ETV5: variants seen among roughly 807,000 people sequenced by gnomAD.
The protein encoded by ETV5 is ETS translocation variant 5.
In ETV5, 10 loss-of-function variants were observed where a neutral mutation model predicts 70.0. The ratio of observed to expected loss-of-function variants is 0.14; its 90% CI spans 0.09 to 0.24. The LOEUF (loss-of-function observed/expected upper bound fraction) is 0.24. ETV5 is among the 10% of genes least tolerant of loss of function. ETV5 has a pLI of 1.00. For missense variants in ETV5, 453 were observed against 651.2 expected (o/e 0.70, Z 3.31); for synonymous variants, 216 against 242.2 (o/e 0.89, Z 1.01).
At chr3:186,079,563 A>G (rs1713879933) in intron 7 of ETV5, among the ~76,000 whole-genome samples, 1 of 152,190 alleles carries the variant, frequency 6.6e-6, no homozygotes, top group African/African-American at 2.4e-5. Context: ...GTGAGACGGG[A>G]GAATACCAGT....
At position 186,057,584 on chromosome 3, in the gene ETV5, A is replaced by G; in HGVS notation, c.971-93T>C. ...TTAAGGACTAGAGTGCAATCCTATC[A>G]TTTCAGATCCTAAGTCCTACTGCTG... On this transcript the variant is annotated intron_variant, in intron 9 of 12. Transcript: ENST00000306376. The surrounding 1 kb of genome is among the most constrained non-coding windows in gnomAD (Gnocchi z 4.9). 2 of 1,079,196 alleles carry G rather than the reference A, an allele frequency of 1.9e-6. No homozygotes were observed. The highest frequency in any genetic ancestry group is 2.9e-6 in the Non-Finnish European group (2 of 699,754). 66.9% of individuals were successfully genotyped at this position (1,079,196 alleles called of 1,614,324 possible).
At position 186,081,072 on chromosome 3, in the gene ETV5, A is replaced by G. The variant is rs76963399; in HGVS notation, c.336T>C (p.Tyr112=). 1 of 1,613,178 alleles carries G rather than the reference A, an allele frequency of 6.2e-7. No homozygotes were observed. The highest frequency in any genetic ancestry group is 8.5e-7 in the Non-Finnish European group (1 of 1,179,474). ...CSHEQALGAN[Y]GEKCLYNYCA... is the part of the protein sequence containing the mutation. ...AATAGTTGTAGAGGCACTTTTCTCCATAGTTAGCACCAAGAGCCTGCTCAT... is the reference window on the plus strand; with the variant it reads ...AATAGTTGTAGAGGCACTTTTCTCCGTAGTTAGCACCAAGAGCCTGCTCAT... The change falls in exon 6 of 13, where the codon TAT becomes TAC. Residue 112 remains tyrosine, a synonymous_variant. Coordinates refer to ENST00000306376, the MANE Select transcript of ETV5 (RefSeq NM_004454.3).
intron 7 of ETV5, among the ~76,000 whole-genome samples, chr3:186,077,030 A>G (rs1053174927): frequency 3.9e-5 from 6 of 152,230 alleles, no homozygotes; most frequent in African/African-American, 1.4e-4. Context: ...ACGTCATGGA[A>G]GTTTTTGGTT....
In ETV5 at chr3:186,078,221, TA is replaced by T. The variant is rs1237234348; in HGVS notation, c.650+1595del. On this transcript the variant is annotated intron_variant, in intron 7 of 12. Transcript: ENST00000306376. Reference sequence around the variant, plus strand: ...CAGTATGTTACATAAGCCCCTTGGATAAAAAACAAGGATTGAGGGGGAAATA... The same window carrying T: ...CAGTATGTTACATAAGCCCCTTGGATAAAAACAAGGATTGAGGGGGAAATA... 15 of 1,049,042 alleles carry T rather than the reference TA, an allele frequency of 1.4e-5. No homozygotes were observed. The East Asian group carries it at 8.2e-4, about 57-fold the overall frequency. 65.0% of individuals were successfully genotyped at this position (1,049,042 alleles called of 1,614,324 possible).
chr3:186,065,119 C>T (rs554332506), intron 8 of ETV5, among the ~76,000 whole-genome samples: 41 of 152,124 alleles, frequency 2.7e-4, no homozygotes, highest in Non-Finnish European at 3.5e-4. Context: ...TCCATCGAGA[C>T]GAAAGACAGT....
At chr3:186,073,783 C>A (rs956095931) in intron 7 of ETV5, among the ~76,000 whole-genome samples, 2 of 152,146 alleles carry the variant, frequency 1.3e-5, no homozygotes, top group African/African-American at 4.8e-5. Flanking sequence ...AACCAGGATC[C>A]TTTGGAGAGT....
rs910997153 is a variant in ETV5, at chr3:186,081,186, A to G, written c.233-11T>C. On this transcript the variant is annotated splice_polypyrimidine_tract_variant and intron_variant, in intron 5 of 12. Coordinates refer to ENST00000306376, the MANE Select transcript of ETV5 (RefSeq NM_004454.3). ...GGGCATGAAGCACCACTGAAATCAG[A>G]AGAGGGATGAGAGGGGAATAGAGAG... 1.9e-6 allele frequency: 3 copies of G among 1,611,094 alleles called. No individual in the cohort carries two copies. The highest frequency in any genetic ancestry group is 2.5e-6 in the Non-Finnish European group (3 of 1,178,268).
At chr3:186,071,311 G>T (rs1231359833) in intron 7 of ETV5, among the ~76,000 whole-genome samples, 1 of 152,228 alleles carries the variant, frequency 6.6e-6, no homozygotes, top group Non-Finnish European at 1.5e-5. Flanking sequence ...AATCTGCCAA[G>T]AAATCAACAT....
In ETV5 at chr3:186,047,315, T is replaced by A. The variant is rs1421121071; in HGVS notation, c.*1324A>T. The A allele has an allele frequency of 4.3e-6, 1 of 230,804 alleles. No homozygotes were observed. The highest frequency in any genetic ancestry group is 8.6e-6 in the Non-Finnish European group (1 of 116,306). 14.3% of individuals were successfully genotyped at this position (230,804 alleles called of 1,614,324 possible). A position where few individuals can be genotyped will look rare whatever the true frequency, so the allele number is the denominator to read the frequency against. The stretch of plus-strand genomic sequence containing the variant: ...AATCTAGAATGCTAGCACTGTTGCT[T>A]ACCTGTCAGTATCACACGTAAGTCT... On this transcript the variant is annotated 3_prime_UTR_variant, in exon 13 of 13. Coordinates refer to ENST00000306376, the MANE Select transcript of ETV5 (RefSeq NM_004454.3).
At position 186,048,792 on chromosome 3, in the gene ETV5, CG is replaced by C; in HGVS notation, c.1379del (p.Pro460ArgfsTer8). ...DPDALFSMAFPDNQRPFLKAE... is the reference protein window; with the variant it reads ...DPDALFSMAFXDNQRPFLKAE... ...CCTTCAGGAACGGACGCTGGTTATC[CG>C]GGAAAGCCATGGAGAAGAGGGCATC... is the stretch of plus-strand genomic sequence containing the variant. On this transcript the variant is annotated frameshift_variant, in exon 13 of 13. Coordinates refer to ENST00000306376, the MANE Select transcript of ETV5 (RefSeq NM_004454.3). LOFTEE classifies it high-confidence loss of function. The C allele has an allele frequency of 6.2e-7, 1 of 1,614,078 alleles. No individual in the cohort carries two copies. Among genetic ancestry groups the C allele is most frequent in the Non-Finnish European group, 8.5e-7 (1 of 1,180,010 alleles).
intron 11 of ETV5, among the ~76,000 whole-genome samples, chr3:186,053,639 C>T (rs921313302): frequency 6.6e-6 from 1 of 152,092 alleles, no homozygotes; most frequent in Non-Finnish European, 1.5e-5. Flanking sequence ...TGTGAAAGTC[C>T]AATTTCCGTT....
intron 7 of ETV5, among the ~76,000 whole-genome samples, chr3:186,069,743 G>A (rs1261122215): frequency 6.6e-6 from 1 of 151,954 alleles, no homozygotes; most frequent in African/African-American, 2.4e-5. Context: ...TGATCTGCCT[G>A]TTTCAGCCTC....
chr3:186,078,045 C>A, intron 7 of ETV5: 1 of 1,057,056 alleles, frequency 9.5e-7, no homozygotes, highest in Non-Finnish European at 1.1e-6. Flanking sequence ...GCAAATAACT[C>A]ATCAATCCCA....
chr3:186,051,303 T>C (rs1335871903), intron 12 of ETV5, among the ~76,000 whole-genome samples: 1 of 152,258 alleles, frequency 6.6e-6, no homozygotes, highest in Non-Finnish European at 1.5e-5. Flanking sequence ...CCAGGTAGAC[T>C]GGCTCAATGT....
At chr3:186,107,758 GTT>G (rs1169370253) in intron 1 of ETV5, among the ~76,000 whole-genome samples, 2 of 151,986 alleles carry the variant, frequency 1.3e-5, no homozygotes, top group Non-Finnish European at 2.9e-5. Context: ...AGCGGGCCCG[GTT>G]TTATGAATGG....
intron 7 of ETV5, among the ~76,000 whole-genome samples, chr3:186,070,203 T>C (rs1053723781): frequency 5.9e-5 from 9 of 152,224 alleles, no homozygotes; most frequent in African/African-American, 2.2e-4. Context: ...TTCTCTCCCT[T>C]TCCCCTCTGC....
intron 5 of ETV5, among the ~76,000 whole-genome samples, chr3:186,082,487 G>C (rs1408520648): frequency 6.6e-6 from 1 of 150,872 alleles, no homozygotes; most frequent in African/African-American, 2.4e-5. Flanking sequence ...GCGTGCAATG[G>C]CGTGATCACT....
At chr3:186,070,448 C>T (rs989499932) in intron 7 of ETV5, among the ~76,000 whole-genome samples, 3 of 152,190 alleles carry the variant, frequency 2.0e-5, no homozygotes, top group African/African-American at 4.8e-5. Flanking sequence ...CAACCTCATC[C>T]CCTCCCCGCG....
At chr3:186,082,168 A>C (rs1713947805) in intron 5 of ETV5, among the ~76,000 whole-genome samples, 1 of 152,236 alleles carries the variant, frequency 6.6e-6, no homozygotes, top group Non-Finnish European at 1.5e-5. Flanking sequence ...TTGCGCTATA[A>C]GGGCTGCCTT....
Sources: allele counts gnomAD v4.1 joint callset (sites outside exome capture counted in the v4.1 genomes callset), GRCh38; gene constraint gnomAD v4.1.1; non-coding constraint Gnocchi (gnomAD v3.1); transcripts MANE v1.5; gene names NCBI Gene and HGNC (gene_info 2026-07-23, HGNC 2026-07-21).